Variants in KCNH7 observed in about 807,000 individuals in gnomAD.
KCNH7 encodes potassium voltage-gated channel subfamily H member 7.
A neutral mutation model predicts 120.8 loss-of-function variants in KCNH7; 49 were observed. That is an observed-to-expected ratio of 0.41 (90% CI 0.32 to 0.51). The LOEUF (loss-of-function observed/expected upper bound fraction) is 0.51, where lower values mean the gene tolerates loss of function less well. Ranked by LOEUF, KCNH7 falls within the 20% of genes least tolerant of loss-of-function variation. The pLI is 0.38. For missense variants in KCNH7, 1,097 were observed against 1,446.6 expected (o/e 0.76, Z 3.92); for synonymous variants, 547 against 516.1 (o/e 1.06, Z -0.81).
chr2:162,653,404 A>G (rs2105263460), intron 2 of KCNH7, among the ~76,000 whole-genome samples: 3 of 152,204 alleles, frequency 2.0e-5, no homozygotes. Flanking sequence ...AAATCAACAT[A>G]CAAAAATCAG....
intron 6 of KCNH7, among the ~76,000 whole-genome samples, chr2:162,470,821 A>C (rs184441372): frequency 2.6e-5 from 4 of 152,352 alleles, no homozygotes; most frequent in African/African-American, 9.6e-5. Flanking sequence ...AAGGTGGGGA[A>C]AAGATTGAGA....
intron 2 of KCNH7, among the ~76,000 whole-genome samples, chr2:162,633,007 A>G (rs913449678): frequency 2.0e-5 from 3 of 151,920 alleles, no homozygotes; most frequent in African/African-American, 7.2e-5. Flanking sequence ...TTTCCAAAAT[A>G]CAAGAGAAAT....
At chr2:162,436,546 T>C (rs1367001634) in intron 7 of KCNH7, among the ~76,000 whole-genome samples, 2 of 152,154 alleles carry the variant, frequency 1.3e-5, no homozygotes, top group Admixed American at 1.3e-4. Flanking sequence ...AAATTACAAG[T>C]TCATTTCTTA....
At chr2:162,788,742 G>T (rs975469797) in intron 2 of KCNH7, among the ~76,000 whole-genome samples, 2 of 151,872 alleles carry the variant, frequency 1.3e-5, no homozygotes, top group Non-Finnish European at 2.9e-5. Context: ...CTCTAAATAT[G>T]GAGAAGGAGA....
chr2:162,563,938 CTCT>C (rs1693159467), intron 2 of KCNH7, among the ~76,000 whole-genome samples: 1 of 152,130 alleles, frequency 6.6e-6, no homozygotes, highest in South Asian at 2.1e-4. Context: ...AAACTCACAG[CTCT>C]TCTTCTCAGG....
chr2:162,427,045 T>A (rs1687886631), intron 8 of KCNH7, among the ~76,000 whole-genome samples: 1 of 152,110 alleles, frequency 6.6e-6, no homozygotes, highest in Admixed American at 6.6e-5. Context: ...GTTGTGTGTA[T>A]CAGTAATTTG....
chr2:162,753,485 G>A (rs997140379), intron 2 of KCNH7, among the ~76,000 whole-genome samples: 3 of 152,138 alleles, frequency 2.0e-5, no homozygotes, highest in Non-Finnish European at 4.4e-5. Flanking sequence ...AAAAAATTCT[G>A]AGCAGATGGC....
At chr2:162,830,085 CTA>C (rs1227472220) in intron 2 of KCNH7, among the ~76,000 whole-genome samples, 1 of 152,060 alleles carries the variant, frequency 6.6e-6, no homozygotes, top group Non-Finnish European at 1.5e-5. Flanking sequence ...GAACCAAGTG[CTA>C]TGAGGAGACA....
chr2:162,496,658 G>C (rs1382423336), intron 6 of KCNH7, among the ~76,000 whole-genome samples: 1 of 151,992 alleles, frequency 6.6e-6, no homozygotes, highest in African/African-American at 2.4e-5. Flanking sequence ...CTGAGCTAAG[G>C]AGCAAAAAAT....
intron 9 of KCNH7, among the ~76,000 whole-genome samples, chr2:162,412,735 A>G (rs1687426663): frequency 6.6e-6 from 1 of 152,198 alleles, no homozygotes. Context: ...TAATGTCCAG[A>G]ATATAAAATG....
chr2:162,617,303 C>A (rs1683173833), intron 2 of KCNH7, among the ~76,000 whole-genome samples: 1 of 151,996 alleles, frequency 6.6e-6, no homozygotes, highest in Non-Finnish European at 1.5e-5. Flanking sequence ...CACGATGAAA[C>A]CCCGTCTCTA....
At chr2:162,403,845 GTCTAAGTAAAGAAACTTTAAAA>G (rs2105450872) in intron 9 of KCNH7, among the ~76,000 whole-genome samples, 2 of 152,070 alleles carry the variant, frequency 1.3e-5, no homozygotes, top group Admixed American at 1.3e-4. Flanking sequence ...TCTGGGTTCT[GTCTAAGTAAAGAAACTTTAAAA>G]GGGAGAGTTA....
chr2:162,811,749 T>G (rs1684740527), intron 2 of KCNH7, among the ~76,000 whole-genome samples: 1 of 152,154 alleles, frequency 6.6e-6, no homozygotes, highest in South Asian at 2.1e-4. Flanking sequence ...TTGGGTATTT[T>G]TAAGAGCTAA....
chr2:162,556,195 C>T (rs114463649), intron 2 of KCNH7, among the ~76,000 whole-genome samples: 1,860 of 152,170 alleles, frequency 0.012, 38 homozygotes, highest in African/African-American at 0.039. Flanking sequence ...AGGAAACACA[C>T]ACATCAAACT....
At chr2:162,494,228 G>A (rs1052120366) in intron 6 of KCNH7, among the ~76,000 whole-genome samples, 1 of 152,166 alleles carries the variant, frequency 6.6e-6, no homozygotes, top group Admixed American at 6.5e-5. Context: ...GATAATAAGA[G>A]GTTTTTGGTC....
chr2:162,666,476 C>T (rs1368112710), intron 2 of KCNH7, among the ~76,000 whole-genome samples: 2 of 151,868 alleles, frequency 1.3e-5, no homozygotes, highest in Non-Finnish European at 2.9e-5. Context: ...ATTTTCTTCA[C>T]TTCCATACTC....
chr2:162,565,475 A>T (rs2105887985), intron 2 of KCNH7, among the ~76,000 whole-genome samples: 1 of 152,224 alleles, frequency 6.6e-6, no homozygotes, highest in African/African-American at 2.4e-5. Context: ...AAATATCTAG[A>T]TAAGAAGTAC....
intron 2 of KCNH7, among the ~76,000 whole-genome samples, chr2:162,770,301 G>A (rs1185530912): frequency 6.8e-6 from 1 of 146,990 alleles, no homozygotes; most frequent in African/African-American, 2.5e-5. Context: ...CATTACTCTT[G>A]GATATAATAT....
intron 8 of KCNH7, among the ~76,000 whole-genome samples, chr2:162,430,905 T>C (rs1212391161): frequency 1.3e-5 from 2 of 151,890 alleles, no homozygotes; most frequent in African/African-American, 2.4e-5. Context: ...TATAAAATTA[T>C]GCTATATGTT....
Sources: allele counts gnomAD v4.1 joint callset (sites outside exome capture counted in the v4.1 genomes callset), GRCh38; gene constraint gnomAD v4.1.1; transcripts MANE v1.5; gene names NCBI Gene and HGNC (gene_info 2026-07-23, HGNC 2026-07-21).